Variants in FGGY observed in about 807,000 individuals in gnomAD.
FGGY encodes FGGY carbohydrate kinase domain-containing protein.
A neutral mutation model predicts 71.3 loss-of-function variants in FGGY; 72 were observed. The observed-to-expected ratio is 1.01, with a 90% CI of 0.84 to 1.23. The LOEUF (loss-of-function observed/expected upper bound fraction) is 1.23, where lower values mean the gene tolerates loss of function less well. Among genes scored for constraint, FGGY ranks in the 50% most tolerant of loss-of-function variants. The pLI, the probability that FGGY is intolerant of heterozygous loss-of-function variation, is 0.00. For synonymous variants in FGGY, 251 were observed against 250.3 expected, an observed-to-expected ratio of 1.00 and a Z score of -0.02; for missense variants, 668 against 682.3, an observed-to-expected ratio of 0.98 and a Z score of 0.23.
intron 5 of FGGY, among the ~76,000 whole-genome samples, chr1:59,424,058 G>A (rs747084949): frequency 4.6e-5 from 7 of 152,182 alleles, no homozygotes; most frequent in Non-Finnish European, 4.4e-5. Flanking sequence ...ACTGAAGGAG[G>A]ACTTGAGTGA....
At chr1:59,554,603 A>G (rs779484538) in intron 8 of FGGY, among the ~76,000 whole-genome samples, 7 of 152,136 alleles carry the variant, frequency 4.6e-5, no homozygotes, top group Admixed American at 6.5e-5. Context: ...TTCCTTGGCC[A>G]GGGAACTCTC....
chr1:59,534,347 A>G (rs1332085073), intron 7 of FGGY, among the ~76,000 whole-genome samples: 3 of 152,314 alleles, frequency 2.0e-5, no homozygotes, highest in Admixed American at 6.5e-5. Context: ...GACCAAATCT[A>G]CGTCTGATTG....
chr1:59,436,342 C>T (rs151015835), intron 5 of FGGY, among the ~76,000 whole-genome samples: 33 of 152,210 alleles, frequency 2.2e-4, no homozygotes, highest in African/African-American at 6.5e-4. Context: ...CTTCAGTCCT[C>T]CTCCCCCCGC....
chr1:59,320,534 A>G (rs1333806944), intron 1 of FGGY, among the ~76,000 whole-genome samples: 1 of 152,196 alleles, frequency 6.6e-6, no homozygotes, highest in Non-Finnish European at 1.5e-5. Flanking sequence ...ATGAGATTCC[A>G]TGTCATGTGG....
rs183021548 is a variant in FGGY at position 59,336,236 on chromosome 1, T to C, written c.202-3722T>C. 1.7e-3 allele frequency among the ~76,000 whole-genome samples: 255 copies of C among 152,256 alleles called. 1 individual carries two copies. Among genetic ancestry groups the C allele is most frequent in the Non-Finnish European group, 3.0e-3 (203 of 68,024 alleles). On this transcript the variant is annotated intron_variant, in intron 2 of 15. Coordinates refer to ENST00000303721, the MANE Select transcript of FGGY (RefSeq NM_018291.5). ...TCTAGCATCACTGTCAAATAGTCTG[T>C]CCTTTCCCCCATTAAATTATATAGG...
intron 14 of FGGY, among the ~76,000 whole-genome samples, chr1:59,756,369 T>C (rs1026458871): frequency 3.3e-5 from 5 of 152,208 alleles, no homozygotes; most frequent in Admixed American, 3.3e-4. Flanking sequence ...ATGCTATCCT[T>C]GTGGAAGAGT....
intron 1 of FGGY, among the ~76,000 whole-genome samples, chr1:59,305,425 ATCT>A (rs1488473752): frequency 2.6e-5 from 4 of 152,228 alleles, no homozygotes; most frequent in Admixed American, 2.6e-4. Context: ...ATGGTGAATG[ATCT>A]TCTTAATGTG....
At chr1:59,367,836 C>A (rs1013117553) in intron 4 of FGGY, among the ~76,000 whole-genome samples, 1 of 152,304 alleles carries the variant, frequency 6.6e-6, no homozygotes, top group East Asian at 1.9e-4. Context: ...CTTAGACCCA[C>A]AGCTGTGTGA....
At chr1:59,525,370 GCAGAAGATGCCACCAGCCA>G (rs1352801441) in intron 7 of FGGY, among the ~76,000 whole-genome samples, 2 of 152,172 alleles carry the variant, frequency 1.3e-5, no homozygotes, top group Non-Finnish European at 2.9e-5. Context: ...CAATACTCAG[GCAGAAGATGCCACCAGCCA>G]CAGAGGTTTC....
At chr1:59,724,807 C>A (rs2097927737) in intron 14 of FGGY, among the ~76,000 whole-genome samples, 1 of 152,020 alleles carries the variant, frequency 6.6e-6, no homozygotes, top group Admixed American at 6.5e-5. Flanking sequence ...ATATATTTTG[C>A]TTACTTTTTC....
At chr1:59,430,628 T>C (rs574284729) in intron 5 of FGGY, among the ~76,000 whole-genome samples, 162 of 152,278 alleles carry the variant, frequency 1.1e-3, no homozygotes, top group Middle Eastern at 3.4e-3. Context: ...TTCCCTAGTA[T>C]GTAGACTTAA....
intron 4 of FGGY, among the ~76,000 whole-genome samples, chr1:59,353,921 T>A (rs2153225426): frequency 6.6e-6 from 1 of 152,162 alleles, no homozygotes; most frequent in African/African-American, 2.4e-5. Context: ...AGAATAAAGA[T>A]ACAGAGCAAC....
intron 14 of FGGY, among the ~76,000 whole-genome samples, chr1:59,710,645 A>G (rs1339440173): frequency 5.3e-5 from 8 of 152,250 alleles, no homozygotes; most frequent in African/African-American, 1.7e-4. Context: ...ATATGAACAG[A>G]CACTTTTCAA....
At chr1:59,501,046 T>C (rs955625947) in intron 6 of FGGY, among the ~76,000 whole-genome samples, 2 of 152,238 alleles carry the variant, frequency 1.3e-5, no homozygotes, top group Non-Finnish European at 2.9e-5. Context: ...CCAGATCCAC[T>C]GACTGAGTGG....
chr1:59,745,415 A>G (rs954857078), intron 14 of FGGY, among the ~76,000 whole-genome samples: 1 of 152,186 alleles, frequency 6.6e-6, no homozygotes, highest in Non-Finnish European at 1.5e-5. Flanking sequence ...CAGCTCAATC[A>G]TTATTCATTA....
chr1:59,727,890 T>C (rs1023056983), intron 14 of FGGY, among the ~76,000 whole-genome samples: 2 of 152,192 alleles, frequency 1.3e-5, no homozygotes, highest in Non-Finnish European at 2.9e-5. Context: ...TTTTGATTAG[T>C]GTTAGCATTG....
At chr1:59,414,614 G>C (rs1430108183) in intron 5 of FGGY, among the ~76,000 whole-genome samples, 1 of 152,176 alleles carries the variant, frequency 6.6e-6, no homozygotes. Context: ...TCCGAGAAGA[G>C]TGGACAAGTG....
chr1:59,383,637 A>T (rs2059741867), intron 5 of FGGY, among the ~76,000 whole-genome samples: 1 of 152,150 alleles, frequency 6.6e-6, no homozygotes, highest in Non-Finnish European at 1.5e-5. Context: ...TTTACAGTCT[A>T]TTCTCTCTGA....
upstream of FGGY, chr1:59,296,666 C>CGGGGGCCGCGCTTT (rs2041995743): frequency 1.2e-4 from 15 of 123,888 alleles, 1 homozygote; most frequent in African/African-American, 4.5e-4. Flanking sequence ...CCGCGCTTTA[C>CGGGGGCCGCGCTTT]AGGGGCCGCG....
Sources: gnomAD v4.1 joint callset for allele counts (sites outside exome capture counted in the v4.1 genomes callset) on GRCh38, gnomAD v4.1.1 for gene constraint, MANE v1.5 for transcripts, NCBI Gene and HGNC (gene_info 2026-07-23, HGNC 2026-07-21) for gene names.